CEP290: variants seen among roughly 807,000 people sequenced by gnomAD.
CEP290 encodes the protein centrosomal protein 290, also known as centrosomal protein of 290 kDa.
CEP290 carries 317 observed loss-of-function variants against 344.9 expected under a neutral mutation model. The ratio of observed to expected loss-of-function variants is 0.92; its 90% CI spans 0.84 to 1.01. The LOEUF (loss-of-function observed/expected upper bound fraction) is 1.01. Ranked by LOEUF, CEP290 falls within the 50% of genes least tolerant of loss-of-function variation. The probability of loss-of-function intolerance (pLI) is 0.00; values close to 1 mark genes in which losing one functional copy is unlikely to be tolerated. For missense variants in CEP290, 2,754 were observed against 2,761.4 expected, an observed-to-expected ratio of 1.00 and a Z score of 0.06; for synonymous variants, 932 against 895.8, an observed-to-expected ratio of 1.04 and a Z score of -0.72.
chr12:88,129,286 A>C (rs1229880098), intron 10 of CEP290, among the ~76,000 whole-genome samples: 1 of 152,082 alleles, frequency 6.6e-6, no homozygotes. Flanking sequence ...TTTCATTACT[A>C]GAAAATTTTA....
intron 26 of CEP290, among the ~76,000 whole-genome samples, chr12:88,101,823 A>G (rs1390788659): frequency 1.3e-5 from 2 of 152,184 alleles, no homozygotes; most frequent in Non-Finnish European, 2.9e-5. Context: ...GAAAAAAATA[A>G]ATTATCACCA....
At chr12:88,081,477 A>T (rs1222053002) in intron 37 of CEP290, among the ~76,000 whole-genome samples, 1 of 152,224 alleles carries the variant, frequency 6.6e-6, no homozygotes, top group Non-Finnish European at 1.5e-5. Flanking sequence ...ATTGTTGTGC[A>T]TATGGACACT....
At chr12:88,137,550 T>C (rs1025880563) in intron 5 of CEP290, among the ~76,000 whole-genome samples, 2 of 152,220 alleles carry the variant, frequency 1.3e-5, no homozygotes, top group African/African-American at 4.8e-5. Flanking sequence ...GTTATTCCTC[T>C]ACCTTAACCA....
intron 4 of CEP290, 145 bp downstream of exon 4, chr12:88,139,350 C>G: frequency 4.0e-6 from 2 of 501,150 alleles, no homozygotes; most frequent in Non-Finnish European, 6.4e-6. Context: ...AAATAGGAGT[C>G]TAGAAATATT....
chr12:88,132,030 A>G (rs1013200304), intron 6 of CEP290, among the ~76,000 whole-genome samples: 1 of 152,198 alleles, frequency 6.6e-6, no homozygotes, highest in African/African-American at 2.4e-5. Context: ...CATCTCTTTA[A>G]CTCAGTTTTC....
intron 26 of CEP290, among the ~76,000 whole-genome samples, chr12:88,100,551 T>A (rs1280886641): frequency 6.6e-6 from 1 of 152,202 alleles, no homozygotes; most frequent in Non-Finnish European, 1.5e-5. Context: ...CACTCTCATG[T>A]ATTAGCTTGA....
intron 25 of CEP290, 37 bp from the exon 26 acceptor site, chr12:88,103,048 C>CT (rs2038016215): frequency 7.1e-6 from 10 of 1,399,314 alleles, no homozygotes; most frequent in African/African-American, 1.5e-5. Context: ...ATGCTGGTGT[C>CT]TTTTTTTCTG....
At chr12:88,125,421 A>C in intron 12 of CEP290, 52 bp from the exon 13 acceptor site, 1 of 966,242 alleles carries the variant, frequency 1.0e-6, no homozygotes, top group Non-Finnish European at 1.4e-6. Context: ...TTAACCTAAA[A>C]AGGTAAGGAA....
intron 49 of CEP290, among the ~76,000 whole-genome samples, 191 bp from the exon 50 acceptor site, chr12:88,055,908 C>T (rs1349816319): frequency 6.6e-6 from 1 of 152,080 alleles, no homozygotes; most frequent in Non-Finnish European, 1.5e-5. Context: ...CCCTAATTAA[C>T]AGATGGCCCA....
intron 39 of CEP290, among the ~76,000 whole-genome samples, chr12:88,078,471 T>C (rs950262115): frequency 6.6e-6 from 1 of 152,082 alleles, no homozygotes; most frequent in African/African-American, 2.4e-5. Context: ...GGTGAAACTA[T>C]GGAGACAGTA....
chr12:88,117,201 C>A, intron 17 of CEP290, 56 bp from the exon 18 acceptor site: 3 of 810,486 alleles, frequency 3.7e-6, no homozygotes, highest in Non-Finnish European at 5.8e-6. Flanking sequence ...CCTACTATTC[C>A]AACACTTTAA....
In CEP290 at chr12:88,077,784, A is replaced by G; in HGVS notation, c.5499T>C (p.Tyr1833=). ...NNELQKKQKA[Y]NKILREKEEI... is the part of the protein sequence containing the mutation. Reference sequence around the variant, plus strand: ...CCTCTTTCTCTCTAAGTATTTTATTATAGGCTTTTTGTTTCTTTTGCAGTT... The same window carrying G: ...CCTCTTTCTCTCTAAGTATTTTATTGTAGGCTTTTTGTTTCTTTTGCAGTT... The change falls in exon 40 of 54, where the codon TAT becomes TAC. Residue 1833 remains tyrosine (Y), a synonymous_variant. Transcript: ENST00000552810. 3 of 1,576,750 alleles carry G rather than the reference A, an allele frequency of 1.9e-6. No individual in the cohort carries two copies. Among genetic ancestry groups the G allele is most frequent in the Non-Finnish European group, 2.6e-6 (3 of 1,158,302 alleles).
chr12:88,128,704 T>G (rs549470669), intron 11 of CEP290, among the ~76,000 whole-genome samples: 61 of 152,236 alleles, frequency 4.0e-4, no homozygotes, highest in African/African-American at 1.4e-3. Flanking sequence ...GGAGTTAGAC[T>G]TCTATCAAAA....
chr12:88,072,787 T>TA (rs1379041913), intron 41 of CEP290, among the ~76,000 whole-genome samples: 2 of 152,058 alleles, frequency 1.3e-5, no homozygotes, highest in Non-Finnish European at 2.9e-5. Flanking sequence ...TAAAATCAGA[T>TA]AAAAAAGTGT....
In CEP290 at chr12:88,097,638, C is replaced by CAT. The variant is rs1555213462; in HGVS notation, c.2992-641_2992-640dup. Among the ~76,000 whole-genome samples, 20 of 145,864 alleles carry CAT rather than the reference C, an allele frequency of 1.4e-4. No homozygotes were observed. The East Asian group carries it at 1.4e-3, about 10-fold the overall frequency. ...ACACACACACACACACACACACACA[C>CAT]ATATATACAATGTAAAATATTATTT... On this transcript the variant is annotated intron_variant, in intron 26 of 53. Transcript: ENST00000552810.
At chr12:88,071,538 T>C (rs752109458) in intron 42 of CEP290, 89 bp from the exon 43 acceptor site, 20 of 1,096,354 alleles carry the variant, frequency 1.8e-5, no homozygotes, top group African/African-American at 3.2e-5. Context: ...ATTACAATAA[T>C]TGTAACACCC....
chr12:88,087,741 AAAC>A (rs1555208831), intron 32 of CEP290, 36 bp downstream of exon 32: 22 of 829,304 alleles, frequency 2.7e-5, no homozygotes, highest in East Asian at 7.3e-5. Flanking sequence ...AAAAAAAAAA[AAAC>A]TTAGGGAAAA....
intron 26 of CEP290, among the ~76,000 whole-genome samples, chr12:88,100,446 C>T (rs1318739288): frequency 6.6e-6 from 1 of 151,784 alleles, no homozygotes; most frequent in Admixed American, 6.6e-5. Context: ...TTTTCGTGAC[C>T]TCTAGTCTCA....
chr12:88,141,303 G>A lies in CEP290; in HGVS notation c.5C>T (p.Pro2Leu), dbSNP rs2040643955. 6.2e-7 allele frequency: 1 copy of A among 1,609,052 alleles called. No homozygotes were observed. Among genetic ancestry groups the A allele is most frequent in the Non-Finnish European group, 8.5e-7 (1 of 1,177,382 alleles). ...TATTTCTTTCCAGTTTATATTAGGT[G>A]GCATCTTGAATTCTTTCACTGTGCT... The part of the protein sequence containing the change: M[P>L]PNINWKEIMK... The change falls in exon 2 of 54, where the codon CCA becomes CTA. Residue 2 changes from proline to leucine, a missense_variant. Coordinates refer to ENST00000552810, the MANE Select transcript of CEP290 (RefSeq NM_025114.4).
Sources: gnomAD v4.1 joint callset for allele counts (sites outside exome capture counted in the v4.1 genomes callset) on GRCh38, gnomAD v4.1.1 for gene constraint, MANE v1.5 for transcripts, NCBI Gene and HGNC (gene_info 2026-07-23, HGNC 2026-07-21) for gene names.